Variants in CAPZA1 observed in about 807,000 individuals in gnomAD.
CAPZA1 encodes the protein capping actin protein of muscle Z-line subunit alpha 1.
Under a neutral mutation model 40.8 loss-of-function variants are expected in CAPZA1, and 10 were observed. That is an observed-to-expected ratio of 0.25 (90% CI 0.15 to 0.42). CAPZA1 has a LOEUF of 0.42. Ranked by LOEUF, CAPZA1 falls within the 10% of genes least tolerant of loss-of-function variation. CAPZA1 has a pLI of 1.00. For missense variants in CAPZA1, 277 were observed against 353.8 expected, an observed-to-expected ratio of 0.78 and a Z score of 1.74; for synonymous variants, 98 against 115.0, an observed-to-expected ratio of 0.85 and a Z score of 0.95.
intron 5 of CAPZA1, among the ~76,000 whole-genome samples, chr1:112,656,959 T>A (rs531998762): frequency 6.6e-6 from 1 of 150,812 alleles, no homozygotes; most frequent in Admixed American, 6.7e-5. Context: ...TGGAGTGCAA[T>A]GGTGTGGTCT....
rs369750934 is a variant in CAPZA1 at position 112,634,030 on chromosome 1, TTAG to T, written c.40-13178_40-13176del. Among the ~76,000 whole-genome samples the T allele has an allele frequency of 2.7e-3, 411 of 152,318 alleles. 1 individual carries two copies. The highest frequency in any genetic ancestry group is 9.4e-3 in the African/African-American group (389 of 41,578). On this transcript the variant is annotated intron_variant, in intron 1 of 9. Transcript: ENST00000263168. Reference sequence around the variant, plus strand: ...TTTGCAAATATTTCCTCCCAGTCACTTAGTTGTCTCCTCTTACTGTTAATTTTC... The same window carrying T: ...TTTGCAAATATTTCCTCCCAGTCACTTTGTCTCCTCTTACTGTTAATTTTC...
At chr1:112,632,994 C>T (rs530176738) in intron 1 of CAPZA1, among the ~76,000 whole-genome samples, 1 of 152,322 alleles carries the variant, frequency 6.6e-6, no homozygotes, top group South Asian at 2.1e-4. Flanking sequence ...TATACATCTA[C>T]AATTTTATTT....
chr1:112,636,036 A>C (rs1278763607), intron 1 of CAPZA1, among the ~76,000 whole-genome samples: 1 of 152,228 alleles, frequency 6.6e-6, no homozygotes, highest in Admixed American at 6.5e-5. Context: ...CTAGAAAAAA[A>C]TAAAAAATAA....
chr1:112,648,616 G>A lies in CAPZA1; in HGVS notation c.104-802G>A, dbSNP rs371355027. Reference sequence around the variant, plus strand: ...CAGGCGTGAGCCACCACACCTGCCCGAAATTTTCAATTTTCAGTAGAAAAT... The same window carrying A: ...CAGGCGTGAGCCACCACACCTGCCCAAAATTTTCAATTTTCAGTAGAAAAT... On this transcript the variant is annotated intron_variant, in intron 2 of 9. Transcript: ENST00000263168. Among the ~76,000 whole-genome samples, 17 of 145,412 alleles carry A rather than the reference G, an allele frequency of 1.2e-4. No homozygotes were observed. The South Asian group carries it at 3.5e-3, about 30-fold the overall frequency.
chr1:112,653,701 G>A, intron 4 of CAPZA1, 40 bp downstream of exon 4: 1 of 1,320,718 alleles, frequency 7.6e-7, no homozygotes, highest in African/African-American at 1.5e-5. Context: ...CTGGCAGATA[G>A]TAGAGATCCT....
intron 1 of CAPZA1, among the ~76,000 whole-genome samples, chr1:112,638,017 A>G (rs1671056054): frequency 6.6e-6 from 1 of 152,204 alleles, no homozygotes; most frequent in Non-Finnish European, 1.5e-5. Context: ...GTAAACATGT[A>G]AGTATATGTT....
At chr1:112,641,886 C>CAAAAA (rs56057393) in intron 1 of CAPZA1, among the ~76,000 whole-genome samples, 2 of 98,100 alleles carry the variant, frequency 2.0e-5, no homozygotes, top group African/African-American at 7.5e-5. Flanking sequence ...GAGACTGTCT[C>CAAAAA]AAAAAAAAAA....
chr1:112,665,687 A>G (rs1397757907), intron 7 of CAPZA1, among the ~76,000 whole-genome samples: 2 of 152,184 alleles, frequency 1.3e-5, no homozygotes, highest in Non-Finnish European at 2.9e-5. Flanking sequence ...CTCATGAGGT[A>G]GAAGAGTGGC....
chr1:112,664,106 CCTGTAGTCCCAG>C (rs1671674403), intron 7 of CAPZA1, among the ~76,000 whole-genome samples: 1 of 151,944 alleles, frequency 6.6e-6, no homozygotes, highest in African/African-American at 2.4e-5. Context: ...GTGGCACGCA[CCTGTAGTCCCAG>C]CTACGTGGGA....
chr1:112,633,247 G>A (rs1670956725), intron 1 of CAPZA1, among the ~76,000 whole-genome samples: 1 of 151,814 alleles, frequency 6.6e-6, no homozygotes, highest in Admixed American at 6.6e-5. Flanking sequence ...TCCCTTCCCT[G>A]ACCCCTCAGC....
At chr1:112,641,256 A>T (rs867903476) in intron 1 of CAPZA1, among the ~76,000 whole-genome samples, 19 of 151,934 alleles carry the variant, frequency 1.3e-4, no homozygotes, top group East Asian at 1.2e-3. Context: ...TGAAAAAAAA[A>T]ATTTTAATTT....
intron 1 of CAPZA1, 71 bp downstream of exon 1, chr1:112,619,954 G>T: frequency 7.9e-7 from 1 of 1,267,482 alleles, no homozygotes; most frequent in Middle Eastern, 1.9e-4. Flanking sequence ...GCTGCGTTGG[G>T]AGCCTAGCAG....
rs570837956 is a variant in CAPZA1 at position 112,660,596 on chromosome 1, A to G, written c.585+817A>G. The stretch of plus-strand genomic sequence containing the variant: ...CACCTGGCCCAGAAGTAGATTTTTA[A>G]TGCTGATGTCAGGGTAGACAGGCAG... On this transcript the variant is annotated intron_variant, in intron 7 of 9. Coordinates refer to ENST00000263168, the MANE Select transcript of CAPZA1 (RefSeq NM_006135.3). Among the ~76,000 whole-genome samples the G allele has an allele frequency of 3.1e-3, 458 of 148,098 alleles. 2 individuals carry two copies. The highest frequency in any genetic ancestry group is 0.011 in the African/African-American group (438 of 41,302).
intron 7 of CAPZA1, 54 bp downstream of exon 7, chr1:112,659,833 C>T: frequency 7.2e-7 from 1 of 1,393,808 alleles, no homozygotes; most frequent in East Asian, 2.3e-5. Flanking sequence ...AAAACATGTG[C>T]AGGTTGCTTT....
intron 1 of CAPZA1, among the ~76,000 whole-genome samples, chr1:112,635,691 G>C (rs1425169601): frequency 6.6e-6 from 1 of 151,958 alleles, no homozygotes; most frequent in Non-Finnish European, 1.5e-5. Context: ...GAAAGTGCTG[G>C]GATTATAGGT....
intron 7 of CAPZA1, among the ~76,000 whole-genome samples, chr1:112,660,358 G>C (rs940018292): frequency 6.6e-6 from 1 of 152,138 alleles, no homozygotes; most frequent in Non-Finnish European, 1.5e-5. Flanking sequence ...TCGGCTCTTC[G>C]CAATCTCTGG....
At chr1:112,647,914 A>G (rs999042810) in intron 2 of CAPZA1, among the ~76,000 whole-genome samples, 2 of 152,228 alleles carry the variant, frequency 1.3e-5, no homozygotes, top group African/African-American at 4.8e-5. Flanking sequence ...CTTAAACTTC[A>G]TGGTGAAATA....
At chr1:112,657,449 G>T (rs1300566142) in intron 5 of CAPZA1, among the ~76,000 whole-genome samples, 1 of 152,102 alleles carries the variant, frequency 6.6e-6, no homozygotes, top group African/African-American at 2.4e-5. Context: ...TACAGAAACT[G>T]CTCTGAGTTT....
rs185146055 is a variant in CAPZA1 at position 112,648,941 on chromosome 1, C to T, written c.104-477C>T. On this transcript the variant is annotated intron_variant, in intron 2 of 9. Coordinates refer to ENST00000263168, the MANE Select transcript of CAPZA1 (RefSeq NM_006135.3). Reference sequence around the variant, plus strand: ...TTGCGCCATTGCACTCCAGCCTAGGCGACAGGAGTGAGACTTCGTCTCAAA... The same window carrying T: ...TTGCGCCATTGCACTCCAGCCTAGGTGACAGGAGTGAGACTTCGTCTCAAA... 3.1e-3 allele frequency among the ~76,000 whole-genome samples: 464 copies of T among 149,822 alleles called. 2 individuals carry two copies. Among genetic ancestry groups the T allele is most frequent in the East Asian group, 0.021 (107 of 4,984 alleles).
Sources: allele counts gnomAD v4.1 joint callset (sites outside exome capture counted in the v4.1 genomes callset), GRCh38; gene constraint gnomAD v4.1.1; transcripts MANE v1.5; gene names NCBI Gene and HGNC (gene_info 2026-07-23, HGNC 2026-07-21).